Variants in TTC34 observed in about 807,000 individuals in gnomAD.
TTC34 encodes tetratricopeptide repeat protein 34.
TTC34 carries 44 observed loss-of-function variants against 40.7 expected under a neutral mutation model. The observed-to-expected ratio is 1.08, with a 90% CI of 0.85 to 1.39. The LOEUF (loss-of-function observed/expected upper bound fraction) is 1.39. Among genes scored for constraint, TTC34 ranks in the 40% most tolerant of loss-of-function variants. The pLI is 0.00. For missense variants in TTC34, 884 were observed against 838.0 expected, an observed-to-expected ratio of 1.05 and a Z score of -0.68; for synonymous variants, 422 against 398.6, an observed-to-expected ratio of 1.06 and a Z score of -0.70.
chr1:2,759,299 C>A (rs1373769973), intron 6 of TTC34, among the ~76,000 whole-genome samples: 364 of 78,164 alleles, frequency 4.7e-3, no homozygotes, highest in East Asian at 0.011. Flanking sequence ...ATCTGACGTC[C>A]TGGAACAGCA....
At chr1:2,767,693 G>A (rs1641813593) in intron 6 of TTC34, among the ~76,000 whole-genome samples, 1 of 131,420 alleles carries the variant, frequency 7.6e-6, no homozygotes, top group South Asian at 2.9e-4. Flanking sequence ...AACCCCAGGT[G>A]AGGATCTGAC....
chr1:2,644,477 G>A lies in TTC34; in HGVS notation c.2499C>T (p.Gly833=), dbSNP rs1009039394. Reference sequence around the variant, plus strand: ...GGTGGGTGCCAGCTTCCTCGTAGCTGCCTGTCAGGGATTCAGGAGGGACAG... The same window carrying A: ...GGTGGGTGCCAGCTTCCTCGTAGCTACCTGTCAGGGATTCAGGAGGGACAG... The change falls in exon 8 of 9, where the codon GGC becomes GGT. Residue 833 remains glycine (G), a splice_region_variant and synonymous_variant. Coordinates refer to ENST00000401095, the Ensembl canonical transcript of TTC34. The A allele has an allele frequency of 3.9e-6, 6 of 1,532,578 alleles. No individual in the cohort carries two copies. The Admixed American group carries it at 7.9e-5, about 20-fold the overall frequency. The allele number at this position is 1,532,578 out of a possible 1,614,324, so 94.9% of individuals were successfully genotyped here.
At chr1:2,750,848 C>A (rs1298631130) in intron 6 of TTC34, among the ~76,000 whole-genome samples, 1 of 101,374 alleles carries the variant, frequency 9.9e-6, no homozygotes, top group African/African-American at 4.5e-5. Flanking sequence ...TACCCACACA[C>A]CCAGGTGAGC....
chr1:2,651,063 T>C (rs139608651), intron 6 of TTC34, among the ~76,000 whole-genome samples: 2,089 of 140,188 alleles, frequency 0.015, 22 homozygotes, highest in Admixed American at 0.025. Context: ...GAACGGTATG[T>C]CACACCCCCA....
chr1:2,698,997 A>AGCAGTGCC (rs1641000539), intron 6 of TTC34, among the ~76,000 whole-genome samples: 1 of 139,364 alleles, frequency 7.2e-6, no homozygotes, highest in Non-Finnish European at 1.6e-5. Context: ...GACAGCCTGG[A>AGCAGTGCC]AAGGCACCCA....
At chr1:2,790,062 C>T in exon 3 of TTC34, 1 of 397,838 alleles carries the variant, frequency 2.5e-6, no homozygotes, top group East Asian at 3.6e-5. Flanking sequence ...ACGCGGAGCG[C>T]GCGGGTTACC....
At chr1:2,644,977 A>G (rs1351392713) in intron 7 of TTC34, among the ~76,000 whole-genome samples, 4 of 152,170 alleles carry the variant, frequency 2.6e-5, no homozygotes, top group African/African-American at 9.7e-5. Context: ...TGGGTGCCCG[A>G]GAAACAACGA....
At chr1:2,791,572 G>T (rs1226353649) in intron 2 of TTC34, among the ~76,000 whole-genome samples, 1 of 152,212 alleles carries the variant, frequency 6.6e-6, no homozygotes, top group Non-Finnish European at 1.5e-5. Flanking sequence ...AGCACAGAAG[G>T]TGTCTCGTGC....
chr1:2,768,551 C>A (rs1487902982), intron 6 of TTC34, among the ~76,000 whole-genome samples: 5 of 151,672 alleles, frequency 3.3e-5, no homozygotes, highest in Non-Finnish European at 7.4e-5. Flanking sequence ...TGCAGGTGAG[C>A]ATCTGATAGC....
chr1:2,750,097 T>C (rs1641266225), intron 6 of TTC34, among the ~76,000 whole-genome samples: 3 of 127,918 alleles, frequency 2.3e-5, no homozygotes, highest in African/African-American at 9.9e-5. Context: ...CCAGTGAGCA[T>C]CTGACAGCCT....
In TTC34 at chr1:2,644,983, A is replaced by G. The variant is rs1010580936; in HGVS notation, c.2497+310T>C. ...GCCATCCCGTGGGTGCCCGAGAAAC[A>G]ACGACTGGAGGTGCATGGATGAATG... is the stretch of plus-strand genomic sequence containing the variant. On this transcript the variant is annotated intron_variant, in intron 7 of 8. Transcript: ENST00000401095. Among the ~76,000 whole-genome samples the G allele has an allele frequency of 3.9e-5, 6 of 152,072 alleles. No individual in the cohort carries two copies. The East Asian group carries it at 9.7e-4, about 25-fold the overall frequency.
chr1:2,700,353 G>T (rs553912910), intron 6 of TTC34, among the ~76,000 whole-genome samples: 1 of 114,542 alleles, frequency 8.7e-6, no homozygotes, highest in South Asian at 2.6e-4. Context: ...GCATCCGACA[G>T]CCTGGAGCAG....
At chr1:2,779,700 A>G (rs1643448583) in intron 6 of TTC34, among the ~76,000 whole-genome samples, 1 of 152,090 alleles carries the variant, frequency 6.6e-6, no homozygotes, top group Non-Finnish European at 1.5e-5. Context: ...CTTCCCACCA[A>G]TAGTGCAGAA....
chr1:2,779,061 C>T (rs1477057016), intron 6 of TTC34, among the ~76,000 whole-genome samples: 1 of 152,104 alleles, frequency 6.6e-6, no homozygotes, highest in African/African-American at 2.4e-5. Flanking sequence ...AGCACAATGT[C>T]CTTGAGGTTC....
intron 2 of TTC34, among the ~76,000 whole-genome samples, chr1:2,790,878 G>C (rs991791732): frequency 6.6e-6 from 1 of 152,184 alleles, no homozygotes; most frequent in Non-Finnish European, 1.5e-5. Flanking sequence ...CTCTGTAGCA[G>C]AGCTCTTCTC....
chr1:2,685,071 G>A (rs1262764514), intron 6 of TTC34, among the ~76,000 whole-genome samples: 1 of 99,870 alleles, frequency 1.0e-5, no homozygotes, highest in Non-Finnish European at 1.9e-5. Context: ...TGGAACAGCA[G>A]CCTGCACCCC....
chr1:2,691,955 G>A (rs1302281132), intron 6 of TTC34, among the ~76,000 whole-genome samples: 2 of 81,788 alleles, frequency 2.4e-5, no homozygotes, highest in Admixed American at 2.7e-4. Context: ...CCCCAGGTGA[G>A]CATCTGACAG....
chr1:2,686,329 G>C (rs1214411205), intron 6 of TTC34, among the ~76,000 whole-genome samples: 2 of 151,786 alleles, frequency 1.3e-5, no homozygotes, highest in African/African-American at 4.9e-5. Context: ...ACCTCCAGGC[G>C]AGCATCCGAC....
intron 6 of TTC34, among the ~76,000 whole-genome samples, chr1:2,767,983 A>G (rs1449694173): frequency 1.3e-5 from 2 of 150,310 alleles, no homozygotes; most frequent in Non-Finnish European, 3.0e-5. Context: ...AGGTGATGTG[A>G]CTGCGTGGAA....
Sources: gnomAD v4.1 joint callset for allele counts (sites outside exome capture counted in the v4.1 genomes callset) on GRCh38, gnomAD v4.1.1 for gene constraint, MANE v1.5 for transcripts, NCBI Gene and HGNC (gene_info 2026-07-23, HGNC 2026-07-21) for gene names.